The following PCLO variants were observed in gnomAD, a reference collection of about 807,000 sequenced individuals.
The protein encoded by PCLO is piccolo presynaptic cytomatrix protein.
In PCLO, 82 loss-of-function variants were observed where a neutral mutation model predicts 427.5. The observed-to-expected ratio is 0.19, with a 90% CI of 0.16 to 0.23. The LOEUF is 0.23. PCLO is among the 10% of genes least tolerant of loss of function. The pLI is 1.00. For synonymous variants in PCLO, 2,357 were observed against 2,155.4 expected (o/e 1.09, Z -2.59); for missense variants, 6,239 against 6,115.9 (o/e 1.02, Z -0.67).
intron 3 of PCLO, among the ~76,000 whole-genome samples, chr7:83,062,396 A>C (rs762033573): frequency 6.6e-6 from 1 of 152,216 alleles, no homozygotes; most frequent in Non-Finnish European, 1.5e-5. Flanking sequence ...AAAGGGAAGG[A>C]GCTAATCATT....
chr7:83,085,381 G>GTTA (rs1399534209), intron 3 of PCLO, among the ~76,000 whole-genome samples: 2 of 152,128 alleles, frequency 1.3e-5, no homozygotes, highest in African/African-American at 4.8e-5. Context: ...TAATTTTACA[G>GTTA]ATGAGAAAAC....
At chr7:83,000,282 AG>A (rs1787786584) in intron 3 of PCLO, among the ~76,000 whole-genome samples, 3 of 150,980 alleles carry the variant, frequency 2.0e-5, no homozygotes, top group African/African-American at 4.9e-5. Context: ...AGAGAGAGAG[AG>A]AGAGAGAGAG....
At chr7:82,866,269 C>G (rs1013088853) in intron 10 of PCLO, among the ~76,000 whole-genome samples, 7 of 152,014 alleles carry the variant, frequency 4.6e-5, no homozygotes, top group African/African-American at 1.7e-4. Context: ...CTCCTACGTG[C>G]CATACCCACC....
intron 20 of PCLO, among the ~76,000 whole-genome samples, chr7:82,814,307 A>G (rs1256231545): frequency 1.3e-5 from 2 of 151,676 alleles, no homozygotes; most frequent in Non-Finnish European, 3.0e-5. Flanking sequence ...TCTGAAATGC[A>G]ATAGAAGAGA....
At chr7:83,008,986 G>A (rs867625557) in intron 3 of PCLO, among the ~76,000 whole-genome samples, 7 of 151,136 alleles carry the variant, frequency 4.6e-5, no homozygotes, top group African/African-American at 1.7e-4. Flanking sequence ...TTTATATAAA[G>A]GCCAAAAAAA....
intron 3 of PCLO, among the ~76,000 whole-genome samples, chr7:83,039,015 T>C (rs183423765): frequency 6.6e-6 from 1 of 152,162 alleles, no homozygotes; most frequent in African/African-American, 2.4e-5. Context: ...TGGCCATTTG[T>C]TTATTTTCTC....
chr7:82,824,108 T>C, intron 19 of PCLO, 128 bp downstream of exon 19: 1 of 613,020 alleles, frequency 1.6e-6, no homozygotes, highest in Non-Finnish European at 2.8e-6. Context: ...TGCATGACAT[T>C]ATATTAAGTA....
At chr7:83,110,211 C>T (rs1790968335) in intron 3 of PCLO, among the ~76,000 whole-genome samples, 1 of 151,798 alleles carries the variant, frequency 6.6e-6, no homozygotes, top group Non-Finnish European at 1.5e-5. Flanking sequence ...GAAAATACTG[C>T]AATAAGCATG....
At chr7:83,010,723 A>G (rs979590492) in intron 3 of PCLO, among the ~76,000 whole-genome samples, 1 of 151,810 alleles carries the variant, frequency 6.6e-6, no homozygotes, top group Non-Finnish European at 1.5e-5. Context: ...CACACTTCAC[A>G]TATCACCTTA....
intron 3 of PCLO, among the ~76,000 whole-genome samples, chr7:82,977,241 C>T (rs1340121854): frequency 1.3e-5 from 2 of 151,612 alleles, no homozygotes; most frequent in Non-Finnish European, 2.9e-5. Context: ...GATCTTTGTT[C>T]CTTGATATGG....
intron 10 of PCLO, among the ~76,000 whole-genome samples, chr7:82,876,982 C>T (rs759462269): frequency 6.6e-6 from 1 of 152,068 alleles, no homozygotes; most frequent in Non-Finnish European, 1.5e-5. Flanking sequence ...CATATGCATA[C>T]AGTTTTTAAT....
intron 10 of PCLO, 21 bp downstream of exon 10, chr7:82,879,316 T>G: frequency 1.3e-6 from 2 of 1,586,686 alleles, no homozygotes; most frequent in Non-Finnish European, 1.7e-6. Context: ...TTTATTTTAC[T>G]GTAAAATTCC....
intron 3 of PCLO, among the ~76,000 whole-genome samples, chr7:83,083,011 G>C (rs1372893838): frequency 1.3e-5 from 2 of 151,700 alleles, no homozygotes; most frequent in Non-Finnish European, 3.0e-5. Flanking sequence ...TCATAAATCA[G>C]TGGGGACAAA....
At chr7:83,153,738 T>C (rs1214173041) in intron 2 of PCLO, among the ~76,000 whole-genome samples, 1 of 152,204 alleles carries the variant, frequency 6.6e-6, no homozygotes, top group African/African-American at 2.4e-5. Flanking sequence ...TCTATTTATA[T>C]GCTGATCATT....
intron 6 of PCLO, among the ~76,000 whole-genome samples, chr7:82,944,354 C>T (rs77061452): frequency 0.066 from 10,005 of 151,618 alleles, 450 homozygotes; most frequent in East Asian, 0.19. Flanking sequence ...TTATAGAGCA[C>T]CTATTATGAG....
At chr7:82,820,808 C>T (rs1584009532) in intron 20 of PCLO, 7 of 1,230,986 alleles carry the variant, frequency 5.7e-6, no homozygotes, top group Middle Eastern at 3.1e-4. Flanking sequence ...TATAGTCATG[C>T]TTGAACAGAT....
intron 3 of PCLO, among the ~76,000 whole-genome samples, chr7:83,103,269 A>G (rs879343461): frequency 2.0e-5 from 3 of 151,952 alleles, no homozygotes; most frequent in African/African-American, 4.8e-5. Flanking sequence ...AACTGGTAGG[A>G]ACTCTTATTT....
chr7:83,144,998 A>G (rs1175075903), intron 2 of PCLO, among the ~76,000 whole-genome samples: 8 of 152,188 alleles, frequency 5.3e-5, no homozygotes, highest in Admixed American at 2.0e-4. Flanking sequence ...TTTATTAGAG[A>G]GAGAAAGAAT....
At chr7:82,877,326 T>A (rs1404548552) in intron 10 of PCLO, among the ~76,000 whole-genome samples, 1 of 152,172 alleles carries the variant, frequency 6.6e-6, no homozygotes, top group Non-Finnish European at 1.5e-5. Context: ...ATTATTCAAG[T>A]ATTTTTGCCA....
Sources: allele counts gnomAD v4.1 joint callset (sites outside exome capture counted in the v4.1 genomes callset), GRCh38; gene constraint gnomAD v4.1.1; transcripts MANE v1.5; gene names NCBI Gene and HGNC (gene_info 2026-07-23, HGNC 2026-07-21).